MAMDC2: variants seen among roughly 807,000 people sequenced by gnomAD.
MAMDC2 encodes the protein MAM domain-containing protein 2.
Under a neutral mutation model 89.8 loss-of-function variants are expected in MAMDC2, and 57 were observed. The observed-to-expected ratio is 0.63, with a 90% CI of 0.51 to 0.79. The LOEUF (loss-of-function observed/expected upper bound fraction) is 0.79, where lower values mean the gene tolerates loss of function less well. Among genes scored for constraint, MAMDC2 ranks in the 30% least tolerant of loss-of-function variants. MAMDC2 has a pLI of 0.00. For synonymous variants in MAMDC2, 313 were observed against 293.4 expected (o/e 1.07, Z -0.68); for missense variants, 800 against 820.6 (o/e 0.97, Z 0.31).
At chr9:70,200,033 T>G (rs1347064865) in intron 11 of MAMDC2, among the ~76,000 whole-genome samples, 2 of 151,708 alleles carry the variant, frequency 1.3e-5, no homozygotes, top group Non-Finnish European at 3.0e-5. Context: ...TTTCTTTTGC[T>G]GTGCAGAAGC....
At chr9:70,067,855 T>C (rs181670786) in intron 2 of MAMDC2, among the ~76,000 whole-genome samples, 274 of 152,334 alleles carry the variant, frequency 1.8e-3, no homozygotes, top group African/African-American at 5.1e-3. Context: ...AAACTCCTCA[T>C]TGAGTCACTA....
chr9:70,054,816 C>T (rs541726117), intron 2 of MAMDC2, among the ~76,000 whole-genome samples: 1 of 152,198 alleles, frequency 6.6e-6, no homozygotes, highest in African/African-American at 2.4e-5. Flanking sequence ...GGAGTGTCGA[C>T]TTCAAATGTG....
At chr9:70,224,478 A>C (rs1375837828) in intron 12 of MAMDC2, among the ~76,000 whole-genome samples, 1 of 152,152 alleles carries the variant, frequency 6.6e-6, no homozygotes, top group Non-Finnish European at 1.5e-5. Flanking sequence ...CTGAGAACCT[A>C]GGGTGCCACT....
chr9:70,072,799 G>A (rs1215600371), intron 2 of MAMDC2, among the ~76,000 whole-genome samples: 1 of 151,930 alleles, frequency 6.6e-6, no homozygotes, highest in Non-Finnish European at 1.5e-5. Context: ...GGCAAAAAAA[G>A]CAAATTTTTT....
intron 11 of MAMDC2, among the ~76,000 whole-genome samples, chr9:70,180,453 T>C (rs1324894275): frequency 6.6e-6 from 1 of 152,194 alleles, no homozygotes; most frequent in African/African-American, 2.4e-5. Context: ...TCTCCCACAA[T>C]GGTTGAACTA....
At chr9:70,110,041 T>C (rs770687745) in intron 4 of MAMDC2, among the ~76,000 whole-genome samples, 9 of 152,240 alleles carry the variant, frequency 5.9e-5, no homozygotes, top group Non-Finnish European at 1.0e-4. Flanking sequence ...GAAATATAGA[T>C]GCAGGAACTG....
intron 11 of MAMDC2, chr9:70,216,508 A>C (rs190707725): frequency 7.9e-5 from 12 of 152,198 alleles, no homozygotes; most frequent in Non-Finnish European, 1.6e-4. Flanking sequence ...TCATGACCTC[A>C]TCTAGCCCTA....
rs113670896 is a variant in MAMDC2, at chr9:70,047,937, A to T, written c.148+3240A>T. Among the ~76,000 whole-genome samples the T allele has an allele frequency of 2.5e-3, 378 of 152,294 alleles. 3 individuals carry two copies. The highest frequency in any genetic ancestry group is 8.5e-3 in the African/African-American group (354 of 41,568). ...ATTACAGTTCGAGTGTCTCTATTTC[A>T]TGGCCACTTTAAAATATGCTTTATC... On this transcript the variant is annotated intron_variant, in intron 2 of 13. Transcript: ENST00000377182.
At chr9:70,101,906 T>C (rs1263225600) in intron 2 of MAMDC2, among the ~76,000 whole-genome samples, 1 of 152,242 alleles carries the variant, frequency 6.6e-6, no homozygotes, top group Non-Finnish European at 1.5e-5. Flanking sequence ...TTATACATTG[T>C]CAAAATTGCT....
At chr9:70,217,662 A>C in intron 11 of MAMDC2, 1 of 1,584,908 alleles carries the variant, frequency 6.3e-7, no homozygotes, top group Non-Finnish European at 8.7e-7. Context: ...TTGGTGGAAA[A>C]CGCTAAACTG....
At chr9:70,045,017 C>T (rs906090987) in intron 2 of MAMDC2, among the ~76,000 whole-genome samples, 8 of 151,002 alleles carry the variant, frequency 5.3e-5, no homozygotes, top group African/African-American at 1.7e-4. Context: ...TGCAGGCACA[C>T]CAGCTGTGTG....
chr9:70,135,104 C>G (rs1475046017), intron 7 of MAMDC2, among the ~76,000 whole-genome samples: 1 of 152,222 alleles, frequency 6.6e-6, no homozygotes, highest in Non-Finnish European at 1.5e-5. Flanking sequence ...CAAAGCTTCT[C>G]ATTTCTTAAA....
At chr9:70,213,713 C>T (rs2033398265) in intron 11 of MAMDC2, among the ~76,000 whole-genome samples, 1 of 149,456 alleles carries the variant, frequency 6.7e-6, no homozygotes, top group Non-Finnish European at 1.5e-5. Flanking sequence ...TCTTGTGGAC[C>T]AATTTGCTTG....
chr9:70,064,026 AT>A (rs1236370950), intron 2 of MAMDC2, among the ~76,000 whole-genome samples: 4 of 152,062 alleles, frequency 2.6e-5, no homozygotes, highest in Non-Finnish European at 4.4e-5. Context: ...AGCATTCTTT[AT>A]TTTTTTAAAA....
In MAMDC2 at chr9:70,140,235, G is replaced by A. The variant is rs368297806; in HGVS notation, c.1085G>A (p.Arg362Gln). 11 of 1,599,500 alleles carry A rather than the reference G, an allele frequency of 6.9e-6. No homozygotes were observed. The highest frequency in any genetic ancestry group is 1.4e-5 in the African/African-American group (1 of 73,826). The change falls in exon 8 of 14, where the codon CGA (arginine) becomes CAA (glutamine). Residue 362 changes from arginine to glutamine, a missense_variant. Arg to Gln is a conservative substitution (Grantham distance 43, BLOSUM62 1). Coordinates refer to ENST00000377182, the MANE Select transcript of MAMDC2 (RefSeq NM_153267.5). ...GATAAAGAAGGTCCAGGTTGGACCC[G>A]AGTGAAAGTAAAACCAAACATGTAT... ...YQDKEGPGWT[R>Q]VKVKPNMYRA... is the part of the protein sequence containing the mutation.
rs1270692610 is a variant in MAMDC2 at position 70,179,620 on chromosome 9, T to C, written c.1651+8989T>C. On this transcript the variant is annotated intron_variant, in intron 11 of 13. Coordinates refer to ENST00000377182, the MANE Select transcript of MAMDC2 (RefSeq NM_153267.5). ...TAACTAAGGCATTCCTTTCTACAAA[T>C]GAAAAAAAAAAAAAACAAAAGCTTT... Among the ~76,000 whole-genome samples, 5 of 126,294 alleles carry C rather than the reference T, an allele frequency of 4.0e-5. No homozygotes were observed. The East Asian group carries it at 8.7e-4, about 22-fold the overall frequency. The allele number at this position is 126,294 out of a possible 152,430, so 82.9% of individuals were successfully genotyped here.
chr9:70,112,935 G>C (rs948649111), intron 4 of MAMDC2, 60 bp from the exon 5 acceptor site: 3 of 1,598,688 alleles, frequency 1.9e-6, no homozygotes, highest in Middle Eastern at 1.7e-4. Flanking sequence ...CTCTGTAGTA[G>C]GATGCGTGTA....
chr9:70,170,531 A>C lies in MAMDC2; in HGVS notation c.1551A>C (p.Thr517=). 1 of 1,613,302 alleles carries C rather than the reference A, an allele frequency of 6.2e-7. No individual in the cohort carries two copies. Among genetic ancestry groups the C allele is most frequent in the Non-Finnish European group, 8.5e-7 (1 of 1,179,840 alleles). The change falls in exon 11 of 14, where the codon ACA becomes ACC. Residue 517 remains threonine, a synonymous_variant. Transcript: ENST00000377182. Reference sequence around the variant, plus strand: ...GTACTTTCGAGCAAGATGAATGTACATTTACTCAGGAGAAAAGAAACCGGA... The same window carrying C: ...GTACTTTCGAGCAAGATGAATGTACCTTTACTCAGGAGAAAAGAAACCGGA... ...GECTFEQDEC[T]FTQEKRNRSS...
intron 5 of MAMDC2, among the ~76,000 whole-genome samples, chr9:70,125,335 C>T (rs2030483022): frequency 6.6e-6 from 1 of 152,186 alleles, no homozygotes; most frequent in African/African-American, 2.4e-5. Context: ...ATTTGATTGT[C>T]ATTCTAGAGA....
Sources: gnomAD v4.1 joint callset for allele counts (sites outside exome capture counted in the v4.1 genomes callset) on GRCh38, gnomAD v4.1.1 for gene constraint, MANE v1.5 for transcripts, NCBI Gene and HGNC (gene_info 2026-07-23, HGNC 2026-07-21) for gene names.